Variants in FARSA observed in about 807,000 individuals in gnomAD.
FARSA encodes the protein phenylalanine--tRNA ligase alpha subunit.
FARSA carries 37 observed loss-of-function variants against 63.2 expected under a neutral mutation model. The observed-to-expected ratio is 0.59, with a 90% confidence interval of 0.45 to 0.77. FARSA has a LOEUF of 0.77. Among genes scored for constraint, FARSA ranks in the 30% least tolerant of loss-of-function variants. FARSA has a pLI of 0.00. For missense variants in FARSA, 618 were observed against 696.6 expected (o/e 0.89, Z 1.27); for synonymous variants, 312 against 285.1 (o/e 1.09, Z -0.95).
In FARSA at chr19:12,930,764, G is replaced by T. The variant is rs1419005375; in HGVS notation, c.148-15C>A. ...GCCTCGATGACCTAGAGGGAAATGT[G>T]GGGAGGGTGTCCAGGCAGGGGTGAG... On this transcript the variant is annotated splice_polypyrimidine_tract_variant and intron_variant, in intron 1 of 12. Transcript: ENST00000314606. The T allele has an allele frequency of 6.2e-7, 1 of 1,603,588 alleles. No individual in the cohort carries two copies. The highest frequency in any genetic ancestry group is 1.7e-5 in the Admixed American group (1 of 60,030).
intron 12 of FARSA, 150 bp from the exon 13 acceptor site, chr19:12,923,036 C>T: frequency 1.0e-6 from 1 of 967,190 alleles, no homozygotes. Flanking sequence ...CACCTCTCAC[C>T]CTCCGCCTTC....
chr19:12,930,317 G>T lies in FARSA; in HGVS notation c.409C>A (p.Gln137Lys), dbSNP rs61737507. 5,216 of 1,614,068 alleles carry T rather than the reference G, an allele frequency of 3.2e-3. 10 individuals are homozygous for T. Among genetic ancestry groups the T allele is most frequent in the Middle Eastern group, 6.8e-3 (41 of 6,058 alleles). The change falls in exon 4 of 13, where the codon CAG becomes AAG. Residue 137 changes from glutamine (Q) to lysine (K), a missense_variant. Gln to Lys is a moderately conservative substitution (Grantham distance 53). Coordinates refer to ENST00000314606, the MANE Select transcript of FARSA (RefSeq NM_004461.3). ...CCCCGGACCAGCTGGAGCCGCCGCT[G>T]CACCTCATCCTCCATGCTGTCCACC... ...RVVDSMEDEV[Q>K]RRLQLVRGGQ...
In FARSA at chr19:12,924,334, G is replaced by A; in HGVS notation, c.1274-69C>T. ...TCTGGGCACTGCTGGTACAGGTTCT[G>A]GGTCTAGGTGGTGAGCTTGGGAGGT... On this transcript the variant is annotated intron_variant, in intron 11 of 12. Coordinates refer to ENST00000314606, the MANE Select transcript of FARSA (RefSeq NM_004461.3). This position sits in a 1 kb window ranked among gnomAD's most constrained non-coding sequence, Gnocchi z 6.4. The A allele has an allele frequency of 6.5e-7, 1 of 1,539,756 alleles. No homozygotes were observed. The highest frequency in any genetic ancestry group is 9.0e-7 in the Non-Finnish European group (1 of 1,115,030).
In FARSA at chr19:12,924,715, G is replaced by A. The variant is rs1473120629; in HGVS notation, c.1119C>T (p.Ile373=). 1.4e-5 allele frequency: 23 copies of A among 1,598,124 alleles called. No individual in the cohort carries two copies. Among genetic ancestry groups the A allele is most frequent in the East Asian group, 4.5e-5 (2 of 44,596 alleles). ...DATHLAEFHQ[I]EGVVADHGLT... ...GACCATGATCCGCCACCACGCCCTC[G>A]ATCTGGTGGAACTCAGCCAGGTGCG... Residue 373 remains isoleucine (I), a synonymous_variant, in exon 10 of 13, where the codon ATC becomes ATT. Coordinates refer to ENST00000314606, the MANE Select transcript of FARSA (RefSeq NM_004461.3). The surrounding 1 kb of genome is among the most constrained non-coding windows in gnomAD (Gnocchi z 6.4).
chr19:12,922,996 A>C, intron 12 of FARSA, 110 bp from the exon 13 acceptor site: 1 of 1,466,204 alleles, frequency 6.8e-7, no homozygotes, highest in Non-Finnish European at 9.4e-7. Context: ...TCTCCCCATG[A>C]CCCACAGGGC....
At position 12,924,900 on chromosome 19, in the gene FARSA, G is replaced by A. The variant is rs777614456; in HGVS notation, c.1026+4C>T. ...ACTGGGGCCCCCGCCTGGGCCAACC[G>A]CACCTTCTGGGCAAGGCGGTAGAGC... is the stretch of plus-strand genomic sequence containing the variant. On this transcript the variant is annotated splice_donor_region_variant and intron_variant, in intron 9 of 12. Transcript: ENST00000314606. The surrounding 1 kb of genome is among the most constrained non-coding windows in gnomAD (Gnocchi z 6.4). 31 of 1,614,062 alleles carry A rather than the reference G, an allele frequency of 1.9e-5. No homozygotes were observed. The highest frequency in any genetic ancestry group is 3.3e-5 in the South Asian group (3 of 91,088).
rs1026604553 is a variant in FARSA, at chr19:12,928,372, G to A, written c.811C>T (p.Arg271Cys). ...AGGAAGAAGGTGTCGTGCTGGTCAC[G>A]GGCTGGGTGCTGCTGGGGCTGGAAG... ...ALFQPQQHPARDQHDTFFLRD... is the reference protein window; with the variant it reads ...ALFQPQQHPACDQHDTFFLRD... Residue 271 changes from arginine to cysteine, a missense_variant, in exon 7 of 13, where the codon CGT (arginine) becomes TGT (cysteine). Coordinates refer to ENST00000314606, the MANE Select transcript of FARSA (RefSeq NM_004461.3). The A allele has an allele frequency of 1.3e-5, 21 of 1,613,994 alleles. No homozygotes were observed. The highest frequency in any genetic ancestry group is 8.3e-5 in the Admixed American group (5 of 59,986).
At chr19:12,930,026 G>A (rs1971372551) in intron 4 of FARSA, among the ~76,000 whole-genome samples, 197 bp downstream of exon 4, 1 of 152,132 alleles carries the variant, frequency 6.6e-6, no homozygotes, top group Non-Finnish European at 1.5e-5. Context: ...AGATCAGAGG[G>A]AAAACAGTTC....
chr19:12,930,473 G>T lies in FARSA; in HGVS notation c.340C>A (p.Arg114=), dbSNP rs117345957. ...CCGTCAGCCGCACTCTTGTCCACCC[G>T]AATCCACTTGTTGGACATGGCCTTG... ...FSKAMSNKWI[R]VDKSAADGPR... Residue 114 remains arginine (R), a synonymous_variant, in exon 3 of 13, where the codon CGG becomes AGG. Coordinates refer to ENST00000314606, the MANE Select transcript of FARSA (RefSeq NM_004461.3). 1 of 1,614,164 alleles carries T rather than the reference G, an allele frequency of 6.2e-7. No homozygotes were observed. Among genetic ancestry groups the T allele is most frequent in the Admixed American group, 1.7e-5 (1 of 60,020 alleles).
chr19:12,929,435 G>T (rs1349518607), intron 4 of FARSA, among the ~76,000 whole-genome samples: 1 of 152,172 alleles, frequency 6.6e-6, no homozygotes, highest in Admixed American at 6.6e-5. Flanking sequence ...TCGAACTCCT[G>T]ACCTCAGGTG....
In FARSA at chr19:12,924,839, T is replaced by C; in HGVS notation, c.1027-32A>G. The C allele has an allele frequency of 6.2e-7, 1 of 1,612,952 alleles. No homozygotes were observed. Among genetic ancestry groups the C allele is most frequent in the Non-Finnish European group, 8.5e-7 (1 of 1,179,154 alleles). The stretch of plus-strand genomic sequence containing the variant: ...GTGACAACCGAGCCAGGCCCAGGTA[T>C]GGGTCAGAAGGTCCCTTTGACAGCA... On this transcript the variant is annotated intron_variant, in intron 9 of 12. Coordinates refer to ENST00000314606, the MANE Select transcript of FARSA (RefSeq NM_004461.3). This position sits in a 1 kb window ranked among gnomAD's most constrained non-coding sequence, Gnocchi z 6.4.
At position 12,930,730 on chromosome 19, in the gene FARSA, C is replaced by T. The variant is rs750907399; in HGVS notation, c.167G>A (p.Arg56Gln). The T allele has an allele frequency of 8.7e-6, 14 of 1,609,874 alleles. No individual in the cohort carries two copies. The highest frequency in any genetic ancestry group is 4.0e-5 in the African/African-American group (3 of 74,934). Residue 56 changes from arginine to glutamine, a missense_variant, in exon 2 of 13, where the codon CGG (arginine) becomes CAG (glutamine). Transcript: ENST00000314606. The stretch of plus-strand genomic sequence containing the variant: ...AGTAAGCTCCCAGTGCTTGGTGGAC[C>T]GAAGTTCAGCCTCGATGACCTAGAG... ...ALGEVIEAEL[R>Q]STKHWELTAE...
In FARSA at chr19:12,930,661, CG is replaced by C. The variant is rs775207391; in HGVS notation, c.235del (p.Arg79ValfsTer81). On this transcript the variant is annotated frameshift_variant, in exon 2 of 13. Transcript: ENST00000314606. LOFTEE classifies it high-confidence loss of function. ...CTCTGGGGGAATGCTTCGAAACACACGGGCCTCATGGCTGCCCTCCCGGGCA... is the reference window on the plus strand; with the variant it reads ...CTCTGGGGGAATGCTTCGAAACACACGGCCTCATGGCTGCCCTCCCGGGCA... ...EIAREGSHEA[R>X]VFRSIPPEGL... is the part of the protein sequence containing the mutation. 6.2e-7 allele frequency: 1 copy of C among 1,613,722 alleles called. No homozygotes were observed. Among genetic ancestry groups the C allele is most frequent in the Non-Finnish European group, 8.5e-7 (1 of 1,179,882 alleles).
At position 12,924,945 on chromosome 19, in the gene FARSA, T is replaced by C. The variant is rs1228566869; in HGVS notation, c.985A>G (p.Thr329Ala). Residue 329 changes from threonine to alanine, a missense_variant, in exon 9 of 13, where the codon ACA (threonine) becomes GCA (alanine). Coordinates refer to ENST00000314606, the MANE Select transcript of FARSA (RefSeq NM_004461.3). This position sits in a 1 kb window ranked among gnomAD's most constrained non-coding sequence, Gnocchi z 6.4. ...ARKNLLRTHT[T>A]SASARALYRL... ...TAGAGCGCACGGGCGCTGGCTGATG[T>C]GGTGTGGGTTCGCAGTAGGTTTTTC... 1 of 1,614,188 alleles carries C rather than the reference T, an allele frequency of 6.2e-7. No homozygotes were observed. Among genetic ancestry groups the C allele is most frequent in the South Asian group, 1.1e-5 (1 of 91,086 alleles).
At position 12,922,874 on chromosome 19, in the gene FARSA, G is replaced by A; in HGVS notation, c.1401C>T (p.Ile467=). The part of the protein sequence containing the change: ...WGLSLERPTM[I]KYGINNIREL... Reference sequence around the variant, plus strand: ...CCCGGATATTGTTGATGCCATATTTGATCATCGTTGGGCTTGTGGGGGAGG... The same window carrying A: ...CCCGGATATTGTTGATGCCATATTTAATCATCGTTGGGCTTGTGGGGGAGG... The change falls in exon 13 of 13, where the codon ATC becomes ATT. Residue 467 remains isoleucine, a synonymous_variant. Transcript: ENST00000314606. 2 of 1,614,106 alleles carry A rather than the reference G, an allele frequency of 1.2e-6. No individual in the cohort carries two copies. Among genetic ancestry groups the A allele is most frequent in the Non-Finnish European group, 1.7e-6 (2 of 1,180,018 alleles).
chr19:12,925,961 G>A (rs559434705), intron 7 of FARSA, among the ~76,000 whole-genome samples: 5 of 147,634 alleles, frequency 3.4e-5, no homozygotes, highest in East Asian at 2.0e-4. Flanking sequence ...CACCGCGCCC[G>A]ACCTTTTTAT....
chr19:12,927,788 G>A (rs1971343716), intron 7 of FARSA, among the ~76,000 whole-genome samples: 1 of 135,548 alleles, frequency 7.4e-6, no homozygotes, highest in Non-Finnish European at 1.5e-5. Context: ...TGTAATCCCA[G>A]CACTTTGGGA....
chr19:12,933,434 CAT>C, intron 1 of FARSA, 114 bp downstream of exon 1: 7 of 1,261,878 alleles, frequency 5.5e-6, no homozygotes, highest in Non-Finnish European at 7.6e-6. Context: ...GGAGTGGACA[CAT>C]ATACAGCTAC....
At chr19:12,923,102 G>A (rs1343290813) in intron 12 of FARSA, among the ~76,000 whole-genome samples, 1 of 151,970 alleles carries the variant, frequency 6.6e-6, no homozygotes, top group African/African-American at 2.4e-5. Flanking sequence ...TCCCACCTCT[G>A]GGCCTTTGAA....
Sources: allele counts gnomAD v4.1 joint callset (sites outside exome capture counted in the v4.1 genomes callset), GRCh38; gene constraint gnomAD v4.1.1; non-coding constraint Gnocchi (gnomAD v3.1); transcripts MANE v1.5; gene names NCBI Gene and HGNC (gene_info 2026-07-23, HGNC 2026-07-21).